FMN1: variants seen among roughly 807,000 people sequenced by gnomAD.
The protein encoded by FMN1 is formin 1.
A neutral mutation model predicts 132.4 loss-of-function variants in FMN1; 110 were observed. The ratio of observed to expected loss-of-function variants is 0.83; its 90% CI spans 0.71 to 0.97. FMN1 has a LOEUF of 0.97. FMN1 is among the 50% of genes least tolerant of loss of function. FMN1 has a pLI of 0.00. For missense variants in FMN1, 1,792 were observed against 1,705.3 expected (o/e 1.05, Z -0.90); for synonymous variants, 722 against 651.7 (o/e 1.11, Z -1.64).
chr15:32,957,904 G>A (rs532545420), intron 9 of FMN1, among the ~76,000 whole-genome samples: 1 of 152,268 alleles, frequency 6.6e-6, no homozygotes, highest in South Asian at 2.1e-4. Flanking sequence ...GGTATCTTGA[G>A]CTCTGGTTCT....
intron 5 of FMN1, among the ~76,000 whole-genome samples, chr15:33,075,488 CA>C (rs2038173114): frequency 6.6e-6 from 1 of 152,126 alleles, no homozygotes; most frequent in African/African-American, 2.4e-5. Flanking sequence ...AAAATTCTTC[CA>C]AGGGATCCCT....
rs757987776 is a variant in FMN1, at chr15:33,027,756, AAC to A, written c.2162-19683_2162-19682del. Among the ~76,000 whole-genome samples, 36 of 152,250 alleles carry A rather than the reference AAC, an allele frequency of 2.4e-4. No individual in the cohort carries two copies. The South Asian group carries it at 7.0e-3, about 30-fold the overall frequency. On this transcript the variant is annotated intron_variant, in intron 6 of 20. Coordinates refer to ENST00000616417, the MANE Select transcript of FMN1 (RefSeq NM_001277313.2). ...ATAAAAGAACAAATGAAATGGAGAC[AAC>A]ACACACACACGAATATACATACACA...
chr15:33,042,099 T>C (rs1054284714), intron 6 of FMN1, among the ~76,000 whole-genome samples: 1 of 152,016 alleles, frequency 6.6e-6, no homozygotes, highest in East Asian at 1.9e-4. Context: ...TCAGAATTAA[T>C]AGAAACATAA....
chr15:33,010,976 G>A (rs1001432371), intron 6 of FMN1, among the ~76,000 whole-genome samples: 1 of 146,040 alleles, frequency 6.8e-6, no homozygotes, highest in African/African-American at 2.5e-5. Flanking sequence ...TATTGTAAAG[G>A]TGTGAGTCTT....
chr15:33,186,287 C>T (rs1965883919), intron 2 of FMN1, among the ~76,000 whole-genome samples: 1 of 152,062 alleles, frequency 6.6e-6, no homozygotes, highest in African/African-American at 2.4e-5. Flanking sequence ...CAACTCCTTT[C>T]CTGCCCAATG....
Position 33,019,655 on chromosome 15 carries a change from C to T in FMN1, c.2162-11580G>A, listed in dbSNP as rs928708315. On this transcript the variant is annotated intron_variant, in intron 6 of 20. Coordinates refer to ENST00000616417, the MANE Select transcript of FMN1 (RefSeq NM_001277313.2). ...AGGCAGCTAAGCCCCGGGGACAAAT[C>T]GAGCGCAGCACCAGTGGGCCAGCAC... 1.2e-4 allele frequency among the ~76,000 whole-genome samples: 19 copies of T among 152,220 alleles called. 1 individual carries two copies. The highest frequency in any genetic ancestry group is 2.2e-4 in the Non-Finnish European group (15 of 68,042).
chr15:32,869,046 G>C (rs980694345), intron 16 of FMN1, among the ~76,000 whole-genome samples: 6 of 152,128 alleles, frequency 3.9e-5, no homozygotes, highest in African/African-American at 1.2e-4. Context: ...GAACTGCAAA[G>C]GTCAAGGAGG....
chr15:32,901,938 C>G lies in FMN1; in HGVS notation c.3480G>C (p.Lys1160Asn). Residue 1160 changes from lysine (K) to asparagine (N), a missense_variant, in exon 13 of 21, where the codon AAG becomes AAC. Physicochemically the swap from Lys to Asn is moderately conservative, Grantham distance 94 (BLOSUM62 0). This residue lies in a region of FMN1 where 1,150 missense variants were observed against 1,043.1 expected (regional missense o/e 1.10). Coordinates refer to ENST00000616417, the MANE Select transcript of FMN1 (RefSeq NM_001277313.2). ...TAGAAGCTCGCGTGATGATCTCTAC[C>G]TTTCTGTGCAAGGAGGTGATACCCT... ...FSEGITSLHR[K>N]VEIITRASKD... 6.2e-7 allele frequency: 1 copy of G among 1,612,504 alleles called. No individual in the cohort carries two copies. The highest frequency in any genetic ancestry group is 8.5e-7 in the Non-Finnish European group (1 of 1,179,346).
rs1180130874 is a variant in FMN1 at position 33,172,077 on chromosome 15, G to A, written c.-132+8121C>T. On this transcript the variant is annotated intron_variant, in intron 3 of 20. Coordinates refer to ENST00000616417, the MANE Select transcript of FMN1 (RefSeq NM_001277313.2). ...ACAAAAATTAGCCGGGCGTGGTGGC[G>A]GGCGCCTGTGGTCCCAGCTACTCCG... Among the ~76,000 whole-genome samples, 6 of 151,996 alleles carry A rather than the reference G, an allele frequency of 3.9e-5. No homozygotes were observed. The East Asian group carries it at 5.8e-4, about 15-fold the overall frequency.
chr15:32,924,153 AT>A (rs1346542894), intron 10 of FMN1, among the ~76,000 whole-genome samples: 2 of 152,166 alleles, frequency 1.3e-5, no homozygotes, highest in Admixed American at 6.5e-5. Context: ...CTAACTTGAG[AT>A]TCTTCTAAAG....
intron 16 of FMN1, among the ~76,000 whole-genome samples, chr15:32,882,296 C>G (rs1374853563): frequency 6.6e-6 from 1 of 152,246 alleles, no homozygotes; most frequent in Admixed American, 6.5e-5. Flanking sequence ...TTTCAAATTT[C>G]AGCTTTGCCA....
chr15:32,788,240 G>T lies in FMN1; in HGVS notation c.4130+10564C>A, dbSNP rs532746477. 9.2e-5 allele frequency among the ~76,000 whole-genome samples: 14 copies of T among 152,316 alleles called. 1 individual carries two copies. Among genetic ancestry groups the T allele is most frequent in the Admixed American group, 6.5e-4 (10 of 15,302 alleles). On this transcript the variant is annotated intron_variant, in intron 19 of 20. Transcript: ENST00000616417. ...TAGACATAACACCCAGAGCCGACCC[G>T]GCGATTTAGGTGCAGAGTGAAAGGT...
rs1229387653 is a variant in FMN1, at chr15:33,121,833, A to G, written c.1867+31215T>C. On this transcript the variant is annotated intron_variant, in intron 4 of 20. Transcript: ENST00000616417. ...GGCGTGAGCCACCACACCCGGCCAA[A>G]TTTTTGTTTTTCTGTTTGTTTGAAT... Among the ~76,000 whole-genome samples the G allele has an allele frequency of 2.0e-5, 3 of 151,602 alleles. No homozygotes were observed. The East Asian group carries it at 5.8e-4, about 29-fold the overall frequency.
At chr15:32,885,423 T>TGTATTGAACACATGCCTTAGAA (rs1296275207) in intron 16 of FMN1, among the ~76,000 whole-genome samples, 1 of 152,250 alleles carries the variant, frequency 6.6e-6, no homozygotes, top group Non-Finnish European at 1.5e-5. Context: ...AGGCGTGATA[T>TGTATTGAACACATGCCTTAGAA]GTATTGAACA....
At chr15:33,138,323 G>A (rs35836585) in intron 4 of FMN1, among the ~76,000 whole-genome samples, 11,089 of 152,080 alleles carry the variant, frequency 0.073, 450 homozygotes, top group African/African-American at 0.085. Context: ...CTTGGCTCCT[G>A]GGCTCTGCAG....
chr15:33,016,128 TTAAA>T (rs201237900), intron 6 of FMN1, among the ~76,000 whole-genome samples: 2 of 149,162 alleles, frequency 1.3e-5, no homozygotes, highest in East Asian at 1.9e-4. Flanking sequence ...AAATAACAAA[TTAAA>T]TAATAGTAAA....
intron 19 of FMN1, among the ~76,000 whole-genome samples, chr15:32,783,677 G>A (rs373612292): frequency 0.012 from 1,719 of 148,994 alleles, 36 homozygotes; most frequent in African/African-American, 0.04. Context: ...CGGGGTCGGG[G>A]GAGCTTGCAG....
intron 9 of FMN1, among the ~76,000 whole-genome samples, chr15:32,932,805 C>T (rs564139383): frequency 6.6e-6 from 1 of 152,238 alleles, no homozygotes; most frequent in East Asian, 1.9e-4. Flanking sequence ...ATAGTAGGTT[C>T]TTATAATCCT....
chr15:32,875,957 ACT>A lies in FMN1; in HGVS notation c.3835+12213_3835+12214del, dbSNP rs370831782. 3.9e-4 allele frequency among the ~76,000 whole-genome samples: 60 copies of A among 152,020 alleles called. No homozygotes were observed. In the South Asian group the frequency reaches 0.012, roughly 31 times the overall value. On this transcript the variant is annotated intron_variant, in intron 16 of 20. Coordinates refer to ENST00000616417, the MANE Select transcript of FMN1 (RefSeq NM_001277313.2). ...GGCCATGCTGCTTCCTATCTCGAAG[ACT>A]CTGTTTTCCAAGCTGCATATGCCTG... is the stretch of plus-strand genomic sequence containing the variant.
Sources: gnomAD v4.1 joint callset for allele counts (sites outside exome capture counted in the v4.1 genomes callset) on GRCh38, gnomAD v4.1.1 for gene constraint, gnomAD v4.1.1 regional missense constraint, MANE v1.5 for transcripts, NCBI Gene and HGNC (gene_info 2026-07-23, HGNC 2026-07-21) for gene names.